PCDH15: variants seen among roughly 807,000 people sequenced by gnomAD.
The protein encoded by PCDH15 is protocadherin related 15.
PCDH15 carries 129 observed loss-of-function variants against 178.5 expected under a neutral mutation model. The ratio of observed to expected loss-of-function variants is 0.72; its 90% CI spans 0.63 to 0.84. The LOEUF (loss-of-function observed/expected upper bound fraction) is 0.84, where lower values mean the gene tolerates loss of function less well. Among genes scored for constraint, PCDH15 ranks in the 40% least tolerant of loss-of-function variants. The pLI is 0.00. For missense variants in PCDH15, 2,230 were observed against 2,099.9 expected, an observed-to-expected ratio of 1.06 and a Z score of -1.21; for synonymous variants, 800 against 732.0, an observed-to-expected ratio of 1.09 and a Z score of -1.50.
intron 9 of PCDH15, among the ~76,000 whole-genome samples, chr10:54,224,375 G>A (rs758852357): frequency 5.3e-5 from 8 of 152,206 alleles, no homozygotes; most frequent in South Asian, 2.1e-4. Context: ...AACATTGTAC[G>A]AGAATAGAAA....
intron 2 of PCDH15, among the ~76,000 whole-genome samples, chr10:55,470,799 C>T (rs1052124560): frequency 6.6e-6 from 1 of 151,854 alleles, no homozygotes; most frequent in Admixed American, 6.6e-5. Context: ...TAAAAACCCT[C>T]TGTGCTGCAC....
At chr10:54,295,969 C>A (rs913068296) in intron 8 of PCDH15, among the ~76,000 whole-genome samples, 1 of 150,648 alleles carries the variant, frequency 6.6e-6, no homozygotes, top group Non-Finnish European at 1.5e-5. Context: ...ATGGTGAAAC[C>A]CCGTCTCTAC....
intron 1 of PCDH15, among the ~76,000 whole-genome samples, chr10:55,210,506 T>C (rs941302355): frequency 2.7e-5 from 4 of 149,354 alleles, no homozygotes; most frequent in Non-Finnish European, 5.9e-5. Context: ...GACCAACACA[T>C]GATATCAGAA....
intron 1 of PCDH15, among the ~76,000 whole-genome samples, chr10:54,798,231 C>T (rs1205051292): frequency 6.6e-6 from 1 of 151,634 alleles, no homozygotes; most frequent in African/African-American, 2.4e-5. Flanking sequence ...ACTAATGAGT[C>T]ACCACACTTC....
intron 8 of PCDH15, among the ~76,000 whole-genome samples, chr10:54,245,231 T>C (rs1304665069): frequency 6.6e-6 from 1 of 152,182 alleles, no homozygotes; most frequent in Non-Finnish European, 1.5e-5. Flanking sequence ...TTTTGCATTA[T>C]CAGATGCAGT....
chr10:54,651,108 A>G (rs951666590), intron 2 of PCDH15, among the ~76,000 whole-genome samples: 1 of 152,168 alleles, frequency 6.6e-6, no homozygotes, highest in African/African-American at 2.4e-5. Context: ...CTGGAGTTCC[A>G]CAAAGGAAAT....
intron 2 of PCDH15, among the ~76,000 whole-genome samples, chr10:55,606,844 C>T (rs1161497807): frequency 4.8e-5 from 7 of 146,376 alleles, no homozygotes; most frequent in African/African-American, 1.8e-4. Context: ...TGGGCAAGGA[C>T]TTCATGTCTA....
At chr10:54,061,486 T>C (rs2094011534) in intron 18 of PCDH15, among the ~76,000 whole-genome samples, 1 of 152,208 alleles carries the variant, frequency 6.6e-6, no homozygotes, top group African/African-American at 2.4e-5. Flanking sequence ...AGCTGGATTA[T>C]ATTTCATATT....
intron 2 of PCDH15, among the ~76,000 whole-genome samples, chr10:55,573,594 A>G (rs1406070003): frequency 6.6e-6 from 1 of 152,110 alleles, no homozygotes; most frequent in East Asian, 1.9e-4. Flanking sequence ...AAATAATCAA[A>G]TGTAAAAGTC....
chr10:54,104,291 C>T (rs970890652), intron 15 of PCDH15, among the ~76,000 whole-genome samples: 13 of 152,284 alleles, frequency 8.5e-5, no homozygotes, highest in South Asian at 4.1e-4. Context: ...CCAGCCTTAT[C>T]AGGGTCCTCC....
At chr10:53,957,405 CTG>C (rs2087724871) in intron 23 of PCDH15, among the ~76,000 whole-genome samples, 1 of 152,016 alleles carries the variant, frequency 6.6e-6, no homozygotes, top group South Asian at 2.1e-4. Flanking sequence ...AAACAGAAAA[CTG>C]TGCATAGGAG....
At chr10:54,295,991 A>G (rs2059743688) in intron 8 of PCDH15, among the ~76,000 whole-genome samples, 1 of 150,610 alleles carries the variant, frequency 6.6e-6, no homozygotes, top group African/African-American at 2.5e-5. Context: ...AAAAAATACA[A>G]AAAATTAGCC....
chr10:54,057,427 C>A (rs2093918079), intron 18 of PCDH15, among the ~76,000 whole-genome samples: 1 of 152,240 alleles, frequency 6.6e-6, no homozygotes, highest in African/African-American at 2.4e-5. Flanking sequence ...ACGATCAACA[C>A]CATGTGGAAG....
At chr10:55,034,012 C>A (rs980306877) in intron 2 of PCDH15, among the ~76,000 whole-genome samples, 1 of 151,808 alleles carries the variant, frequency 6.6e-6, no homozygotes, top group Non-Finnish European at 1.5e-5. Context: ...GTGGATGTGG[C>A]CTTACCAGAC....
At chr10:55,208,679 C>T (rs965772222) in intron 1 of PCDH15, among the ~76,000 whole-genome samples, 1 of 151,952 alleles carries the variant, frequency 6.6e-6, no homozygotes, top group African/African-American at 2.4e-5. Context: ...TTTTTGTCTG[C>T]CGGCTTTTCA....
At chr10:55,394,060 C>G (rs1047446257) in intron 2 of PCDH15, among the ~76,000 whole-genome samples, 4 of 151,994 alleles carry the variant, frequency 2.6e-5, no homozygotes, top group African/African-American at 7.2e-5. Context: ...AAAACCCAAC[C>G]AGCCCCTTCC....
At chr10:54,223,964 T>C (rs1354646503) in intron 9 of PCDH15, among the ~76,000 whole-genome samples, 2 of 152,194 alleles carry the variant, frequency 1.3e-5, no homozygotes, top group South Asian at 4.1e-4. Flanking sequence ...CAGGAAAACA[T>C]TTGTTTTTAA....
chr10:54,615,104 G>A (rs1229372632), intron 2 of PCDH15, among the ~76,000 whole-genome samples: 1 of 152,092 alleles, frequency 6.6e-6, no homozygotes. Context: ...GATAAAGTAC[G>A]CTGAAAGGTA....
chr10:55,364,556 C>A (rs1654600054), intron 2 of PCDH15, among the ~76,000 whole-genome samples: 1 of 151,978 alleles, frequency 6.6e-6, no homozygotes, highest in South Asian at 2.1e-4. Flanking sequence ...GCATATGTTT[C>A]TTTGGATTTC....
Sources: gnomAD v4.1 joint callset for allele counts (sites outside exome capture counted in the v4.1 genomes callset) on GRCh38, gnomAD v4.1.1 for gene constraint, MANE v1.5 for transcripts, NCBI Gene and HGNC (gene_info 2026-07-23, HGNC 2026-07-21) for gene names.